Variants in EEF1D observed in about 807,000 individuals in gnomAD.
EEF1D encodes the protein eukaryotic translation elongation factor 1 delta, also known as elongation factor 1-delta.
EEF1D carries 47 observed loss-of-function variants against 63.9 expected under a neutral mutation model. The ratio of observed to expected loss-of-function variants is 0.74; its 90% CI spans 0.58 to 0.94. The LOEUF (loss-of-function observed/expected upper bound fraction) is 0.94. Among genes scored for constraint, EEF1D ranks in the 40% least tolerant of loss-of-function variants. The probability of loss-of-function intolerance (pLI) is 0.00; values close to 1 mark genes in which losing one functional copy is unlikely to be tolerated. For synonymous variants in EEF1D, 412 were observed against 386.1 expected, an observed-to-expected ratio of 1.07 and a Z score of -0.79; for missense variants, 907 against 899.0, an observed-to-expected ratio of 1.01 and a Z score of -0.11.
Position 143,589,434 on chromosome 8 carries a change from G to A in EEF1D, c.648C>T (p.Val216=), listed in dbSNP as rs975806039. 1 of 1,529,300 alleles carries A rather than the reference G, an allele frequency of 6.5e-7. No individual in the cohort carries two copies. The highest frequency in any genetic ancestry group is 2.0e-5 in the Admixed American group (1 of 50,224). The allele number at this position is 1,529,300 out of a possible 1,614,324, so 94.7% of individuals were successfully genotyped here. ...PDLAHQPSPP[V]NGQPPLGSLQ... ...GGCTGCCCAGCGGGGGCTGGCCATT[G>A]ACCGGTGGGCTGGGCTGGTGGGCCA... The change falls in exon 3 of 10, where the codon GTC becomes GTT. Residue 216 remains valine (V), a synonymous_variant. Transcript: ENST00000618139.
intron 3 of EEF1D, 179 bp from the exon 4 acceptor site, chr8:143,587,031 A>G: frequency 4.0e-6 from 3 of 755,272 alleles, no homozygotes; most frequent in Non-Finnish European, 6.2e-6. Flanking sequence ...CCTGTCTTCC[A>G]GACGAGGAGT....
rs750059572 is a variant in EEF1D at position 143,581,110 on chromosome 8, G to T, written c.1432C>A (p.Leu478Met). 1 of 1,612,762 alleles carries T rather than the reference G, an allele frequency of 6.2e-7. No individual in the cohort carries two copies. Among genetic ancestry groups the T allele is most frequent in the Non-Finnish European group, 8.5e-7 (1 of 1,179,974 alleles). Reference sequence around the variant, plus strand: ...GGCGAGCTCTTCTCCAGCACGTTCAGCCGGGCCTCCAGCTTGGAGATGGCC... The same window carrying T: ...GGCGAGCTCTTCTCCAGCACGTTCATCCGGGCCTCCAGCTTGGAGATGGCC... ...QQAISKLEAR[L>M]NVLEKSSPGH... is the part of the protein sequence containing the mutation. Residue 478 changes from leucine to methionine, a missense_variant, in exon 7 of 10, where the codon CTG becomes ATG. By Grantham distance (15) the Leu-to-Met change is conservative (BLOSUM62 2). Coordinates refer to ENST00000618139, the MANE Select transcript of EEF1D (RefSeq NM_001130053.5).
chr8:143,579,907 G>C (rs1824985441), intron 9 of EEF1D, 77 bp from the exon 10 acceptor site: 1 of 1,543,756 alleles, frequency 6.5e-7, no homozygotes, highest in East Asian at 2.3e-5. Context: ...CTCTGAGGTG[G>C]GGTTCACTCT....
At position 143,580,755 on chromosome 8, in the gene EEF1D, C is replaced by T. The variant is rs777437275; in HGVS notation, c.1489-28G>A. 15 of 1,608,104 alleles carry T rather than the reference C, an allele frequency of 9.3e-6. No individual in the cohort carries two copies. In the South Asian group the frequency reaches 9.9e-5, roughly 11 times the overall value. On this transcript the variant is annotated intron_variant, in intron 7 of 9. Transcript: ENST00000618139. ...GCCACAGGGGAAGGGACAGGAGGCA[C>T]GGCTGAGACGCCCCAACCAGGGCCC...
At position 143,579,832 on chromosome 8, in the gene EEF1D, TGAG is replaced by T. The variant is rs1269402269; in HGVS notation, c.1906-5_1906-3del. ...AGCTGCGATATCGACACTCTGCACCTGAGGAGAGGCGGAGGGTGACGGTCAGGG... is the reference window on the plus strand; with the variant it reads ...AGCTGCGATATCGACACTCTGCACCTGAGAGGCGGAGGGTGACGGTCAGGG... On this transcript the variant is annotated splice_polypyrimidine_tract_variant and splice_region_variant and intron_variant, in intron 9 of 9. Transcript: ENST00000618139. The T allele has an allele frequency of 3.8e-6, 6 of 1,563,730 alleles. No individual in the cohort carries two copies. The highest frequency in any genetic ancestry group is 5.2e-6 in the Non-Finnish European group (6 of 1,152,040).
chr8:143,595,360 G>T (rs1828627930), intron 1 of EEF1D, among the ~76,000 whole-genome samples: 1 of 151,572 alleles, frequency 6.6e-6, no homozygotes, highest in African/African-American at 2.4e-5. Context: ...CATGAGCCAT[G>T]CGCCCAGCCT....
chr8:143,590,302 G>C, intron 2 of EEF1D: 1 of 720,174 alleles, frequency 1.4e-6, no homozygotes, highest in Non-Finnish European at 2.3e-6. Flanking sequence ...AAACAGGCCG[G>C]GCGCAGTGGC....
In EEF1D at chr8:143,586,739, G is replaced by C. The variant is rs574502088; in HGVS notation, c.1205C>G (p.Ala402Gly). The change falls in exon 4 of 10, where the codon GCC becomes GGC. Residue 402 changes from alanine to glycine, a missense_variant. Physicochemically the swap from Ala to Gly is moderately conservative, Grantham distance 60 (BLOSUM62 0). Coordinates refer to ENST00000618139, the MANE Select transcript of EEF1D (RefSeq NM_001130053.5). ...YEQMNGPVAG[A>G]SRQENGASVI... Reference sequence around the variant, plus strand: ...ACGTGCAGCTCTCACCTGGCGGGAGGCACCTGCCACAGGCCCGTTCATCTG... The same window carrying C: ...ACGTGCAGCTCTCACCTGGCGGGAGCCACCTGCCACAGGCCCGTTCATCTG... The C allele has an allele frequency of 2.5e-6, 4 of 1,613,430 alleles. No individual in the cohort carries two copies. In the South Asian group the frequency reaches 4.4e-5, roughly 18 times the overall value.
rs776964815 is a variant in EEF1D at position 143,589,470 on chromosome 8, G to A, written c.612C>T (p.Ala204=). 36 of 1,529,860 alleles carry A rather than the reference G, an allele frequency of 2.4e-5. No homozygotes were observed. In the East Asian group the frequency reaches 3.8e-4, roughly 16 times the overall value. 94.8% of individuals were successfully genotyped at this position (1,529,860 alleles called of 1,614,324 possible). ...TGGGCTGGTGGGCCAGGTCGGGGAC[G>A]GCCACCTGCTGGCCTGTGTTGGGAG... The part of the protein sequence containing the change: ...QGTPNTGQQV[A]VPDLAHQPSP... The change falls in exon 3 of 10, where the codon GCC becomes GCT. Residue 204 remains alanine, a synonymous_variant. Transcript: ENST00000618139.
chr8:143,580,186 C>G lies in EEF1D; in HGVS notation c.1731G>C (p.Met577Ile). 1 of 1,613,552 alleles carries G rather than the reference C, an allele frequency of 6.2e-7. No homozygotes were observed. ...AGCGCACACAGGCCTCCAGCTGGGC[C>G]ATGTCCGTCTCATCATCCCACTGTG... Reference protein sequence around the residue: ...DVKPWDDETDMAQLEACVRSI... With the variant: ...DVKPWDDETDIAQLEACVRSI... The change falls in exon 9 of 10, where the codon ATG (methionine) becomes ATC (isoleucine). Residue 577 changes from methionine (M) to isoleucine (I), a missense_variant. Physicochemically the swap from Met to Ile is conservative, Grantham distance 10. Transcript: ENST00000618139.
chr8:143,586,916 A>G (rs1347407438), intron 3 of EEF1D, 64 bp from the exon 4 acceptor site: 4 of 1,594,236 alleles, frequency 2.5e-6, no homozygotes, highest in African/African-American at 1.3e-5. Context: ...AGGACAGCCC[A>G]GAAGCACCAA....
chr8:143,593,948 A>G, intron 1 of EEF1D: 1 of 984,668 alleles, frequency 1.0e-6, no homozygotes, highest in Non-Finnish European at 1.2e-6. Flanking sequence ...GACGACAGGC[A>G]CGTGCAAGCC....
intron 3 of EEF1D, 120 bp from the exon 4 acceptor site, chr8:143,586,972 C>G (rs1414330075): frequency 7.2e-7 from 1 of 1,383,658 alleles, no homozygotes; most frequent in Admixed American, 1.9e-5. Context: ...CGGTTCTCCA[C>G]AAAGCGACAC....
chr8:143,585,618 G>A (rs1451913900), intron 5 of EEF1D, among the ~76,000 whole-genome samples: 5 of 152,182 alleles, frequency 3.3e-5, no homozygotes, highest in African/African-American at 9.7e-5. Context: ...CCAACTCCTC[G>A]GGAACACCAG....
chr8:143,595,235 A>AATTT (rs10635622), intron 1 of EEF1D, among the ~76,000 whole-genome samples: 9,474 of 151,750 alleles, frequency 0.062, 343 homozygotes, highest in East Asian at 0.15. Flanking sequence ...ACACCTGGCT[A>AATTT]TTTTTTCATA....
chr8:143,585,005 T>C (rs1000524089), intron 5 of EEF1D, among the ~76,000 whole-genome samples: 24 of 152,122 alleles, frequency 1.6e-4, no homozygotes, highest in African/African-American at 5.3e-4. Context: ...CCATGCCTGA[T>C]TGGATGGGAT....
In EEF1D at chr8:143,579,989, C is replaced by T. The variant is rs146157973; in HGVS notation, c.1905+23G>A. Reference sequence around the variant, plus strand: ...AGGGTCCCCAGTCTCCTCTCCCCTCCTCTCCCCGGCCGGCTCACTCACGTG... The same window carrying T: ...AGGGTCCCCAGTCTCCTCTCCCCTCTTCTCCCCGGCCGGCTCACTCACGTG... On this transcript the variant is annotated intron_variant, in intron 9 of 9. Coordinates refer to ENST00000618139, the MANE Select transcript of EEF1D (RefSeq NM_001130053.5). The T allele has an allele frequency of 1.2e-4, 187 of 1,607,964 alleles. 1 individual carries two copies. The Middle Eastern group carries it at 2.5e-3, about 22-fold the overall frequency.
intron 5 of EEF1D, 140 bp from the exon 6 acceptor site, chr8:143,581,468 A>C: frequency 1.4e-6 from 1 of 714,392 alleles, no homozygotes; most frequent in South Asian, 1.8e-5. Context: ...TGCCCAGCTC[A>C]AACTTATGAC....
intron 1 of EEF1D, among the ~76,000 whole-genome samples, chr8:143,595,925 C>T (rs1260213207): frequency 6.6e-6 from 1 of 152,238 alleles, no homozygotes; most frequent in African/African-American, 2.4e-5. Flanking sequence ...TAACTCACTG[C>T]CACCAGCTTC....
Sources: allele counts gnomAD v4.1 joint callset (sites outside exome capture counted in the v4.1 genomes callset), GRCh38; gene constraint gnomAD v4.1.1; transcripts MANE v1.5; gene names NCBI Gene and HGNC (gene_info 2026-07-23, HGNC 2026-07-21).